Variants in PCDH9 observed in about 807,000 individuals in gnomAD.
PCDH9 encodes protocadherin-9.
Under a neutral mutation model 70.6 loss-of-function variants are expected in PCDH9, and 24 were observed. The observed-to-expected ratio is 0.34, with a 90% CI of 0.25 to 0.48. The LOEUF (loss-of-function observed/expected upper bound fraction) is 0.48, where lower values mean the gene tolerates loss of function less well. Among genes scored for constraint, PCDH9 ranks in the 20% least tolerant of loss-of-function variants. The pLI is 0.99. For missense variants in PCDH9, 1,281 were observed against 1,503.6 expected, an observed-to-expected ratio of 0.85 and a Z score of 2.45; for synonymous variants, 562 against 558.5, an observed-to-expected ratio of 1.01 and a Z score of -0.09.
At chr13:66,532,056 A>G (rs1268442440) in intron 4 of PCDH9, among the ~76,000 whole-genome samples, 3 of 152,122 alleles carry the variant, frequency 2.0e-5, no homozygotes, top group African/African-American at 7.2e-5. Flanking sequence ...GCACAAGCAC[A>G]GCTCATGGCA....
intron 4 of PCDH9, among the ~76,000 whole-genome samples, chr13:66,427,790 A>C (rs558668697): frequency 6.6e-6 from 1 of 151,844 alleles, no homozygotes; most frequent in African/African-American, 2.4e-5. Flanking sequence ...GTATTCTCTT[A>C]CACAACTTAT....
intron 4 of PCDH9, among the ~76,000 whole-genome samples, chr13:66,330,939 A>C (rs1363211470): frequency 6.6e-6 from 1 of 152,178 alleles, no homozygotes; most frequent in Non-Finnish European, 1.5e-5. Context: ...TTTGTTGAGA[A>C]TAAATGTGTG....
chr13:66,871,485 G>A (rs990354041), intron 3 of PCDH9, among the ~76,000 whole-genome samples: 3 of 151,792 alleles, frequency 2.0e-5, no homozygotes, highest in African/African-American at 7.3e-5. Flanking sequence ...TCTTCACACA[G>A]AGGAGAAATT....
intron 4 of PCDH9, among the ~76,000 whole-genome samples, chr13:66,452,882 C>G (rs1373761480): frequency 1.3e-5 from 2 of 152,052 alleles, no homozygotes; most frequent in African/African-American, 4.8e-5. Flanking sequence ...AATATCCCTT[C>G]TCACATGACT....
At chr13:66,637,957 C>T (rs538396532) in intron 3 of PCDH9, among the ~76,000 whole-genome samples, 45 of 151,740 alleles carry the variant, frequency 3.0e-4, no homozygotes, top group Non-Finnish European at 5.7e-4. Context: ...TAGTATGTTA[C>T]ATTTTTTTAG....
chr13:66,993,010 A>G (rs1420016460), intron 2 of PCDH9, among the ~76,000 whole-genome samples: 1 of 152,160 alleles, frequency 6.6e-6, no homozygotes, highest in Non-Finnish European at 1.5e-5. Context: ...TTTAACATTA[A>G]AGTTAAGACA....
chr13:66,751,976 G>GT (rs1015862829), intron 3 of PCDH9, among the ~76,000 whole-genome samples: 3 of 152,162 alleles, frequency 2.0e-5, no homozygotes, highest in East Asian at 3.8e-4. Context: ...GAAAAGCATG[G>GT]TTTTTTTAAA....
intron 3 of PCDH9, among the ~76,000 whole-genome samples, chr13:66,849,517 TAGAGAGAGAG>T (rs58589562): frequency 1.6e-5 from 1 of 63,582 alleles, no homozygotes; most frequent in South Asian, 7.8e-4. Context: ...TATATATATA[TAGAGAGAGAG>T]AGAGAGAGAG....
At chr13:66,744,616 T>C (rs1366598843) in intron 3 of PCDH9, among the ~76,000 whole-genome samples, 7 of 152,216 alleles carry the variant, frequency 4.6e-5, no homozygotes, top group African/African-American at 1.7e-4. Context: ...AAGCAAATGC[T>C]AATAATAGGA....
chr13:67,147,760 A>G (rs898929919), intron 2 of PCDH9, among the ~76,000 whole-genome samples: 4 of 152,318 alleles, frequency 2.6e-5, no homozygotes, highest in Admixed American at 2.6e-4. Context: ...CTGTTTATAC[A>G]TTCCCTCAAT....
chr13:67,044,945 A>T (rs2085194082), intron 2 of PCDH9, among the ~76,000 whole-genome samples: 1 of 152,178 alleles, frequency 6.6e-6, no homozygotes, highest in Non-Finnish European at 1.5e-5. Context: ...GATGAATCTG[A>T]TATACTTCCA....
At chr13:67,164,513 G>A (rs779321907) in intron 2 of PCDH9, among the ~76,000 whole-genome samples, 4 of 151,004 alleles carry the variant, frequency 2.6e-5, no homozygotes, top group East Asian at 1.9e-4. Context: ...GGCAGAGGTC[G>A]CAGTGAGCTG....
At chr13:67,222,331 C>T (rs528808060) in intron 2 of PCDH9, 1 of 147,572 alleles carries the variant, frequency 6.8e-6, no homozygotes, top group East Asian at 2.0e-4. Flanking sequence ...GCTAATCGCA[C>T]TTCCAAAAAT....
At chr13:67,203,838 T>C (rs775195786) in intron 2 of PCDH9, 3 of 151,990 alleles carry the variant, frequency 2.0e-5, no homozygotes, top group Non-Finnish European at 4.4e-5. Context: ...CAATTTGCAA[T>C]AATGACAGTC....
chr13:66,712,807 C>T (rs1209688951), intron 3 of PCDH9, among the ~76,000 whole-genome samples: 1 of 152,082 alleles, frequency 6.6e-6, no homozygotes, highest in Non-Finnish European at 1.5e-5. Context: ...TTTTCCTGCA[C>T]AAACTAGAAA....
intron 4 of PCDH9, among the ~76,000 whole-genome samples, chr13:66,394,837 G>C (rs1381861510): frequency 6.6e-6 from 1 of 152,178 alleles, no homozygotes; most frequent in African/African-American, 2.4e-5. Flanking sequence ...GGAGATGACA[G>C]AGTATAGTTA....
intron 2 of PCDH9, among the ~76,000 whole-genome samples, chr13:67,017,120 T>C (rs1264662526): frequency 6.6e-6 from 1 of 152,210 alleles, no homozygotes. Context: ...GTATCATACA[T>C]AGGCCAGACA....
At chr13:66,903,473 C>T in intron 3 of PCDH9, 31 bp downstream of exon 3, 1 of 876,358 alleles carries the variant, frequency 1.1e-6, no homozygotes. Context: ...TTTATCAGTA[C>T]TAACATGTTC....
At chr13:66,418,624 C>T (rs545347340) in intron 4 of PCDH9, among the ~76,000 whole-genome samples, 285 of 152,064 alleles carry the variant, frequency 1.9e-3, no homozygotes, top group African/African-American at 6.6e-3. Flanking sequence ...ACTAAATGCC[C>T]ACCAGAGAAA....
Sources: allele counts gnomAD v4.1 joint callset (sites outside exome capture counted in the v4.1 genomes callset), GRCh38; gene constraint gnomAD v4.1.1; transcripts MANE v1.5; gene names NCBI Gene and HGNC (gene_info 2026-07-23, HGNC 2026-07-21).